The following RIMS3 variants were observed in gnomAD, a reference collection of about 807,000 sequenced individuals.
The protein encoded by RIMS3 is regulating synaptic membrane exocytosis protein 3.
In RIMS3, 15 loss-of-function variants were observed where a neutral mutation model predicts 29.2. The ratio of observed to expected loss-of-function variants is 0.51; its 90% CI spans 0.34 to 0.79. The LOEUF is 0.79. Among genes scored for constraint, RIMS3 ranks in the 30% least tolerant of loss-of-function variants. RIMS3 has a pLI of 0.01. For synonymous variants in RIMS3, 161 were observed against 170.1 expected (o/e 0.95, Z 0.41); for missense variants, 342 against 421.4 (o/e 0.81, Z 1.65).
At chr1:40,627,353 C>T (rs1366704645) in intron 7 of RIMS3, among the ~76,000 whole-genome samples, 5 of 152,036 alleles carry the variant, frequency 3.3e-5, no homozygotes, top group Admixed American at 6.6e-5. Context: ...CTCAGCCTCC[C>T]GAGTAGCTGG....
intron 5 of RIMS3, among the ~76,000 whole-genome samples, chr1:40,630,065 C>T (rs1468189692): frequency 9.2e-5 from 9 of 97,762 alleles, no homozygotes; most frequent in South Asian, 3.0e-4. Flanking sequence ...AGGAAGACTC[C>T]GTCTCAAAAA....
intron 3 of RIMS3, among the ~76,000 whole-genome samples, chr1:40,638,201 A>G (rs1646532823): frequency 6.6e-6 from 1 of 152,132 alleles, no homozygotes; most frequent in African/African-American, 2.4e-5. Context: ...GATCAGGCCC[A>G]CAGACTCCCA....
the RIMS3 span, among the ~76,000 whole-genome samples, chr1:40,684,486 G>C: frequency 3.3e-5 from 5 of 152,318 alleles, no homozygotes; most frequent in African/African-American, 9.6e-5. Context: ...CAAAAACTGT[G>C]ATCTGTTTTA....
the RIMS3 span, among the ~76,000 whole-genome samples, chr1:40,689,182 A>T: frequency 9.3e-4 from 141 of 152,338 alleles, 2 homozygotes; most frequent in South Asian, 0.012. Context: ...CTGAAGAGGG[A>T]GCTCTATTTA....
At chr1:40,647,361 T>C (rs898583067) in intron 2 of RIMS3, among the ~76,000 whole-genome samples, 15 of 151,950 alleles carry the variant, frequency 9.9e-5, no homozygotes, top group Admixed American at 5.9e-4. Context: ...GTGGACATCA[T>C]TAACCTCTCT....
rs562870450 is a variant in RIMS3 at position 40,643,039 on chromosome 1, A to G, written c.-31-1083T>C. ...GCTACCGTGATATTCCATTGTATAG[A>G]AGTAGCATAATTGATTTAAGTATTT... is the stretch of plus-strand genomic sequence containing the variant. On this transcript the variant is annotated intron_variant, in intron 2 of 7. Coordinates refer to ENST00000372684, the MANE Select transcript of RIMS3 (RefSeq NM_014747.3). Among the ~76,000 whole-genome samples the G allele has an allele frequency of 2.0e-5, 3 of 152,280 alleles. No individual in the cohort carries two copies. In the East Asian group the frequency reaches 5.8e-4, roughly 29 times the overall value.
the RIMS3 span, chr1:40,687,721 T>C: frequency 6.6e-6 from 1 of 151,976 alleles, no homozygotes; most frequent in South Asian, 2.1e-4. Context: ...ACCATAATAA[T>C]GTATCTTTCC....
chr1:40,679,158 A>G, the RIMS3 span, among the ~76,000 whole-genome samples: 2 of 152,212 alleles, frequency 1.3e-5, no homozygotes, highest in East Asian at 3.9e-4. Flanking sequence ...TACCACCAAC[A>G]CTGCTGGAGC....
the RIMS3 span, among the ~76,000 whole-genome samples, chr1:40,687,772 A>G: frequency 6.6e-6 from 1 of 151,972 alleles, no homozygotes; most frequent in Non-Finnish European, 1.5e-5. Flanking sequence ...TGTTTCCTCA[A>G]CTGATCCCTC....
intron 1 of RIMS3, among the ~76,000 whole-genome samples, chr1:40,658,201 C>T (rs1642298833): frequency 6.6e-6 from 1 of 152,200 alleles, no homozygotes; most frequent in South Asian, 2.1e-4. Flanking sequence ...CTGCCTGTTC[C>T]TGGCTTCCTC....
At chr1:40,682,999 A>G in the RIMS3 span, among the ~76,000 whole-genome samples, 2 of 151,912 alleles carry the variant, frequency 1.3e-5, no homozygotes, top group Admixed American at 1.3e-4. Flanking sequence ...TTGGCCTCCC[A>G]AAGGCATGAG....
intron 2 of RIMS3, among the ~76,000 whole-genome samples, chr1:40,644,949 A>G (rs572436747): frequency 6.6e-6 from 1 of 152,350 alleles, no homozygotes; most frequent in East Asian, 1.9e-4. Flanking sequence ...CAAATAAAGG[A>G]AGACAGTCCC....
rs1646521922 is a variant in RIMS3, at chr1:40,636,574, G to A, written c.218-517C>T. Among the ~76,000 whole-genome samples, 1 of 152,144 alleles carries A rather than the reference G, an allele frequency of 6.6e-6. No homozygotes were observed. Among genetic ancestry groups the A allele is most frequent in the Admixed American group, 6.5e-5 (1 of 15,284 alleles). ...AGGCTCTATAGGAAAGCCCCCATGGGAAGCCTGGCCACTCTCAAACAAACC... is the reference window on the plus strand; with the variant it reads ...AGGCTCTATAGGAAAGCCCCCATGGAAAGCCTGGCCACTCTCAAACAAACC... On this transcript the variant is annotated intron_variant, in intron 3 of 7. Coordinates refer to ENST00000372684, the MANE Select transcript of RIMS3 (RefSeq NM_014747.3). The surrounding 1 kb of genome is among the most constrained non-coding windows in gnomAD (Gnocchi z 4.2).
At chr1:40,680,497 A>G in the RIMS3 span, among the ~76,000 whole-genome samples, 1 of 151,890 alleles carries the variant, frequency 6.6e-6, no homozygotes, top group African/African-American at 2.4e-5. Context: ...ATACCCGGCT[A>G]ATTTTTGTAT....
chr1:40,634,256 G>A (rs1432697524), intron 4 of RIMS3, among the ~76,000 whole-genome samples: 1 of 152,144 alleles, frequency 6.6e-6, no homozygotes, highest in Non-Finnish European at 1.5e-5. Context: ...CCAGCAGGGA[G>A]GAAAAAGTAG....
At chr1:40,679,732 G>C in the RIMS3 span, among the ~76,000 whole-genome samples, 1 of 152,100 alleles carries the variant, frequency 6.6e-6, no homozygotes, top group South Asian at 2.1e-4. Context: ...CAATCAGAAT[G>C]AATCTCAGGA....
chr1:40,651,398 C>T (rs906911829), intron 1 of RIMS3, among the ~76,000 whole-genome samples: 15 of 152,190 alleles, frequency 9.9e-5, no homozygotes, highest in Non-Finnish European at 2.1e-4. Flanking sequence ...GGGAGGGGCA[C>T]GGAACAGATT....
At chr1:40,637,926 C>A (rs752175050) in intron 3 of RIMS3, among the ~76,000 whole-genome samples, 3 of 152,130 alleles carry the variant, frequency 2.0e-5, no homozygotes, top group Non-Finnish European at 2.9e-5. Flanking sequence ...TGGGGGCTCC[C>A]TCGCCTTCAT....
intron 5 of RIMS3, among the ~76,000 whole-genome samples, chr1:40,631,979 G>GATAAA (rs1646492026): frequency 2.0e-5 from 3 of 152,170 alleles, no homozygotes; most frequent in South Asian, 4.2e-4. Flanking sequence ...CCATCTCGAA[G>GATAAA]ATAAAATAAA....
Sources: gnomAD v4.1 joint callset for allele counts (sites outside exome capture counted in the v4.1 genomes callset) on GRCh38, gnomAD v4.1.1 for gene constraint, Gnocchi (gnomAD v3.1) non-coding constraint, MANE v1.5 for transcripts, NCBI Gene and HGNC (gene_info 2026-07-23, HGNC 2026-07-21) for gene names.